Variants in PKHD1L1 observed in about 807,000 individuals in gnomAD.
PKHD1L1 encodes the protein PKHD1 like 1.
A neutral mutation model predicts 462.9 loss-of-function variants in PKHD1L1; 434 were observed. The observed-to-expected ratio is 0.94, with a 90% confidence interval of 0.87 to 1.02. The LOEUF is 1.02. PKHD1L1 is among the 50% of genes least tolerant of loss of function. The probability of loss-of-function intolerance (pLI) is 0.00; values close to 1 mark genes in which losing one functional copy is unlikely to be tolerated. For synonymous variants in PKHD1L1, 1,781 were observed against 1,750.0 expected (o/e 1.02, Z -0.44); for missense variants, 5,202 against 5,096.1 (o/e 1.02, Z -0.63).
In PKHD1L1 at chr8:109,535,971, A is replaced by AT. The variant is rs34558954; in HGVS notation, c.*5881_*5882insT. The stretch of plus-strand genomic sequence containing the variant: ...CTCTTTCATCCTATGCCTTTAAAAC[A>AT]AAGGGAACAAAGAAGGGAACAAAGA... On this transcript the variant is annotated 3_prime_UTR_variant, in exon 78 of 78. Transcript: ENST00000378402. Among the ~76,000 whole-genome samples the AT allele has an allele frequency of 0.54, 81,700 of 151,168 alleles. 22,918 individuals are homozygous for AT. Among genetic ancestry groups the AT allele is most frequent in the East Asian group, 0.66 (3,426 of 5,156 alleles).
chr8:109,382,560 T>C lies in PKHD1L1; in HGVS notation c.406T>C (p.Cys136Arg), dbSNP rs1277293170. 1.2e-6 allele frequency: 2 copies of C among 1,610,094 alleles called. No individual in the cohort carries two copies. Among genetic ancestry groups the C allele is most frequent in the Non-Finnish European group, 1.7e-6 (2 of 1,177,766 alleles). ...CAAAGGTCACATCAACAGCTGGGAA[T>C]GTACCTTCAACGTATGTAGGAATCT... The part of the protein sequence containing the change: ...TCKGHINSWE[C>R]TFNAKSFRTP... The change falls in exon 4 of 78, where the codon TGT (cysteine) becomes CGT (arginine). Residue 136 changes from cysteine (C) to arginine (R), a missense_variant. Physicochemically the swap from Cys to Arg is radical, Grantham distance 180. Around this residue, in one of 3 missense-constraint regions of PKHD1L1, gnomAD observed 4,497 missense variants for 4,336.8 expected, o/e 1.04. Coordinates refer to ENST00000378402, the MANE Select transcript of PKHD1L1 (RefSeq NM_177531.6).
rs1813190635 is a variant in PKHD1L1, at chr8:109,400,067, T to C, written c.1013-9T>C. ...TGATGAAAGTCTTATTTTATTTCAT[T>C]ACACTTAGGAGGGAGAGGCCTGAAG... is the stretch of plus-strand genomic sequence containing the variant. On this transcript the variant is annotated splice_polypyrimidine_tract_variant and intron_variant, in intron 12 of 77. Transcript: ENST00000378402. 3 of 1,595,228 alleles carry C rather than the reference T, an allele frequency of 1.9e-6. No homozygotes were observed. Among genetic ancestry groups the C allele is most frequent in the East Asian group, 2.2e-5 (1 of 44,670 alleles).
chr8:109,452,819 A>G lies in PKHD1L1; in HGVS notation c.6609A>G (p.Gly2203=). The G allele has an allele frequency of 6.5e-7, 1 of 1,536,226 alleles. No homozygotes were observed. The stretch of plus-strand genomic sequence containing the variant: ...GATCTCTTGTTGTTATTACAAAAGG[A>G]CAGACCATTCTGCTGGATCAAAGCA... ...EEGSLVVITK[G]QTILLDQSTP... is the part of the protein sequence containing the mutation. The change falls in exon 43 of 78, where the codon GGA becomes GGG. Residue 2203 remains glycine, a synonymous_variant. Coordinates refer to ENST00000378402, the MANE Select transcript of PKHD1L1 (RefSeq NM_177531.6).
intron 50 of PKHD1L1, chr8:109,470,564 AGCTT>A: frequency 6.2e-7 from 1 of 1,601,504 alleles, no homozygotes; most frequent in South Asian, 1.1e-5. Context: ...GGAACTATTC[AGCTT>A]AGTTCCCAGC....
At chr8:109,478,515 C>A (rs949898366) in intron 53 of PKHD1L1, among the ~76,000 whole-genome samples, 14 of 151,998 alleles carry the variant, frequency 9.2e-5, no homozygotes, top group African/African-American at 3.4e-4. Flanking sequence ...GTTAGGAACA[C>A]CCTCAGGGAG....
rs2130665873 is a variant in PKHD1L1 at position 109,425,219 on chromosome 8, A to G, written c.2832A>G (p.Gly944=). ...LSGSFDIQAY[G]HILKGLPAAV... ...GCAGCTTTGACATTCAAGCTTATGG[A>G]CATATTCTTAAAGGTATATGAAAAA... is the stretch of plus-strand genomic sequence containing the variant. Residue 944 remains glycine (G), a synonymous_variant, in exon 24 of 78, where the codon GGA becomes GGG. Transcript: ENST00000378402. The G allele has an allele frequency of 6.3e-7, 1 of 1,599,430 alleles. No individual in the cohort carries two copies.
At chr8:109,517,415 C>T (rs1009034330) in intron 72 of PKHD1L1, among the ~76,000 whole-genome samples, 6 of 152,098 alleles carry the variant, frequency 3.9e-5, no homozygotes, top group Admixed American at 3.9e-4. Flanking sequence ...TGGTAAGAAG[C>T]TACATATCTC....
intron 12 of PKHD1L1, among the ~76,000 whole-genome samples, chr8:109,398,931 C>G (rs1443516439): frequency 1.3e-5 from 2 of 152,022 alleles, no homozygotes; most frequent in Non-Finnish European, 2.9e-5. Flanking sequence ...TAAATATTCA[C>G]TTGTCTAGAA....
At chr8:109,523,826 TATC>T (rs1226754552) in intron 76 of PKHD1L1, among the ~76,000 whole-genome samples, 1 of 152,330 alleles carries the variant, frequency 6.6e-6, no homozygotes, top group Non-Finnish European at 1.5e-5. Context: ...AAATGAGCAT[TATC>T]ATAATTTACA....
chr8:109,444,569 CTT>C (rs1399697660), intron 37 of PKHD1L1, 90 bp from the exon 38 acceptor site: 4 of 1,205,372 alleles, frequency 3.3e-6, no homozygotes, highest in Non-Finnish European at 4.6e-6. Flanking sequence ...ACATGATTAA[CTT>C]TTAAAATTTG....
rs113192678 is a variant in PKHD1L1, at chr8:109,500,168, T to C, written c.10828+1397T>C. ...TCATTGTTAGTTATATTAAGTTATA[T>C]ATGATTTCTCCAAGATTCTGCATGG... On this transcript the variant is annotated intron_variant, in intron 67 of 77. Transcript: ENST00000378402. Among the ~76,000 whole-genome samples the C allele has an allele frequency of 4.7e-3, 721 of 152,282 alleles. 5 individuals carry two copies. The highest frequency in any genetic ancestry group is 0.016 in the African/African-American group (685 of 41,564).
chr8:109,441,215 C>CAA (rs914430650), intron 33 of PKHD1L1, 60 bp from the exon 34 acceptor site: 8 of 1,157,784 alleles, frequency 6.9e-6, no homozygotes, highest in Admixed American at 6.4e-5. Flanking sequence ...CTATAATTCA[C>CAA]AAAAAAAAAT....
intron 43 of PKHD1L1, among the ~76,000 whole-genome samples, chr8:109,453,788 T>C (rs1037950638): frequency 3.9e-5 from 6 of 152,202 alleles, no homozygotes; most frequent in Non-Finnish European, 5.9e-5. Flanking sequence ...TAATGGTTTT[T>C]ATAAACATGC....
At chr8:109,364,448 A>C in intron 1 of PKHD1L1, 99 bp from the exon 2 acceptor site, 1 of 826,674 alleles carries the variant, frequency 1.2e-6, no homozygotes, top group African/African-American at 1.7e-5. Context: ...AAACTTCATA[A>C]TGTTTTCCTT....
intron 2 of PKHD1L1, among the ~76,000 whole-genome samples, chr8:109,373,237 G>T (rs1349359759): frequency 4.6e-5 from 7 of 152,112 alleles, no homozygotes; most frequent in Non-Finnish European, 1.0e-4. Flanking sequence ...TCTTGGGAGG[G>T]TGTATGTGTC....
At chr8:109,390,647 A>C (rs1386935236) in intron 9 of PKHD1L1, among the ~76,000 whole-genome samples, 153 bp downstream of exon 9, 1 of 152,128 alleles carries the variant, frequency 6.6e-6, no homozygotes, top group African/African-American at 2.4e-5. Context: ...CCTTCTTTTC[A>C]CTCACAATTT....
intron 67 of PKHD1L1, among the ~76,000 whole-genome samples, chr8:109,501,531 G>A (rs912778254): frequency 6.6e-6 from 1 of 152,170 alleles, no homozygotes; most frequent in African/African-American, 2.4e-5. Flanking sequence ...TTTAATTTAA[G>A]TAATTGTTTG....
intron 45 of PKHD1L1, among the ~76,000 whole-genome samples, chr8:109,455,805 A>G (rs964540855): frequency 6.6e-6 from 1 of 152,158 alleles, no homozygotes; most frequent in African/African-American, 2.4e-5. Context: ...AGAATACCAT[A>G]AACATGATAC....
Position 109,408,221 on chromosome 8 carries a change from T to C in PKHD1L1, c.1971+15T>C. 1.9e-6 allele frequency: 3 copies of C among 1,604,222 alleles called. No homozygotes were observed. The highest frequency in any genetic ancestry group is 2.6e-6 in the Non-Finnish European group (3 of 1,174,052). On this transcript the variant is annotated intron_variant, in intron 18 of 77. Coordinates refer to ENST00000378402, the MANE Select transcript of PKHD1L1 (RefSeq NM_177531.6). ...CAGAAGCTGAAGTACGGTGTAGGAA[T>C]GTTTCTACCACGCATTTTCCCTGCA...
Sources: gnomAD v4.1 joint callset for allele counts (sites outside exome capture counted in the v4.1 genomes callset) on GRCh38, gnomAD v4.1.1 for gene constraint, gnomAD v4.1.1 regional missense constraint, MANE v1.5 for transcripts, NCBI Gene and HGNC (gene_info 2026-07-23, HGNC 2026-07-21) for gene names.